The following CLDN10 variants were observed in gnomAD, a reference collection of about 807,000 sequenced individuals.
The protein encoded by CLDN10 is claudin 10.
Under a neutral mutation model 22.9 loss-of-function variants are expected in CLDN10, and 15 were observed. The observed-to-expected ratio is 0.65, with a 90% CI of 0.44 to 1.01. The LOEUF is 1.01. Ranked by LOEUF, CLDN10 falls within the 50% of genes least tolerant of loss-of-function variation. CLDN10 has a pLI of 0.00. For synonymous variants in CLDN10, 114 were observed against 111.4 expected (o/e 1.02, Z -0.15); for missense variants, 247 against 287.8 (o/e 0.86, Z 1.03).
chr13:95,499,274 G>A (rs1218751739), intron 1 of CLDN10, among the ~76,000 whole-genome samples: 1 of 152,184 alleles, frequency 6.6e-6, no homozygotes, highest in Non-Finnish European at 1.5e-5. Context: ...AGGCGCAGTG[G>A]CTTACATCTG....
At chr13:95,574,064 G>A (rs780387002) in intron 3 of CLDN10, among the ~76,000 whole-genome samples, 2 of 152,122 alleles carry the variant, frequency 1.3e-5, no homozygotes, top group Non-Finnish European at 2.9e-5. Context: ...ACTTTTTTAT[G>A]GCTGTATAGT....
chr13:95,478,324 G>A (rs1156921415), intron 1 of CLDN10, among the ~76,000 whole-genome samples: 5 of 151,622 alleles, frequency 3.3e-5, no homozygotes, highest in Non-Finnish European at 7.4e-5. Context: ...AAATAAGCAA[G>A]TAAATAAATA....
At chr13:95,440,496 G>A (rs1476839931) in intron 1 of CLDN10, among the ~76,000 whole-genome samples, 2 of 152,074 alleles carry the variant, frequency 1.3e-5, no homozygotes, top group Non-Finnish European at 2.9e-5. Context: ...GGCAACACAG[G>A]GAGACCTTGT....
intron 1 of CLDN10, among the ~76,000 whole-genome samples, chr13:95,452,982 T>C (rs2042446250): frequency 6.6e-6 from 1 of 152,220 alleles, no homozygotes; most frequent in African/African-American, 2.4e-5. Context: ...TACTTGTAAT[T>C]ACCTTTTATT....
intron 3 of CLDN10, among the ~76,000 whole-genome samples, chr13:95,566,422 T>G (rs2138669951): frequency 6.6e-6 from 1 of 152,376 alleles, no homozygotes; most frequent in South Asian, 2.1e-4. Context: ...ATAAATGTCT[T>G]CTTTTGAGAA....
At chr13:95,570,829 TACAC>T (rs537635169) in intron 3 of CLDN10, among the ~76,000 whole-genome samples, 20 of 129,436 alleles carry the variant, frequency 1.5e-4, no homozygotes, top group South Asian at 1.3e-3. Context: ...TATATATATA[TACAC>T]ACACACACAC....
intron 1 of CLDN10, among the ~76,000 whole-genome samples, chr13:95,493,096 G>A (rs1454404536): frequency 6.6e-6 from 1 of 152,096 alleles, no homozygotes; most frequent in African/African-American, 2.4e-5. Flanking sequence ...TTGCTGGTTT[G>A]TTCTTGCAGT....
At position 95,515,920 on chromosome 13, in the gene CLDN10, A is replaced by G. The variant is rs547517035; in HGVS notation, c.215-44212A>G. On this transcript the variant is annotated intron_variant, in intron 1 of 4. Coordinates refer to the CLDN10 transcript ENST00000376873. Reference sequence around the variant, plus strand: ...GAAACCCCATCTCTACTAAAAATACAAAAATGAGCTGGGCGTGATGGAGCA... The same window carrying G: ...GAAACCCCATCTCTACTAAAAATACGAAAATGAGCTGGGCGTGATGGAGCA... Among the ~76,000 whole-genome samples, 9 of 152,132 alleles carry G rather than the reference A, an allele frequency of 5.9e-5. 1 individual carries two copies. Among genetic ancestry groups the G allele is most frequent in the African/African-American group, 2.2e-4 (9 of 41,518 alleles).
Position 95,578,294 on chromosome 13 carries a change from G to T in CLDN10, c.*280G>T, listed in dbSNP as rs557381286. ...ACATGAAAAGCATTTAGTACCAAAGGTTCAAGAAGTATTCGTACTCTAGCC... is the reference window on the plus strand; with the variant it reads ...ACATGAAAAGCATTTAGTACCAAAGTTTCAAGAAGTATTCGTACTCTAGCC... On this transcript the variant is annotated 3_prime_UTR_variant, in exon 5 of 5. Transcript: ENST00000299339. 1 of 227,814 alleles carries T rather than the reference G, an allele frequency of 4.4e-6. No homozygotes were observed. The highest frequency in any genetic ancestry group is 5.5e-5 in the Admixed American group (1 of 18,330). The allele number at this position is 227,814 out of a possible 1,614,324, so 14.1% of individuals were successfully genotyped here.
intron 1 of CLDN10, among the ~76,000 whole-genome samples, chr13:95,471,453 A>ATATATATATT (rs776857009): frequency 1.3e-4 from 14 of 106,386 alleles, no homozygotes; most frequent in African/African-American, 3.6e-4. Context: ...ATATATATAT[A>ATATATATATT]TTTTTTTTTT....
chr13:95,492,547 G>C (rs1293778004), intron 1 of CLDN10, among the ~76,000 whole-genome samples: 1 of 152,142 alleles, frequency 6.6e-6, no homozygotes, highest in African/African-American at 2.4e-5. Flanking sequence ...CTGTTTCCTG[G>C]TGGAGGGTGA....
intron 1 of CLDN10, among the ~76,000 whole-genome samples, chr13:95,464,166 A>G (rs916697004): frequency 2.9e-4 from 44 of 151,952 alleles, no homozygotes; most frequent in African/African-American, 9.4e-4. Flanking sequence ...GGTTTGTTAC[A>G]TATGTATACA....
chr13:95,563,071 T>C (rs962871644), intron 3 of CLDN10, among the ~76,000 whole-genome samples: 1 of 143,824 alleles, frequency 7.0e-6, no homozygotes, highest in Non-Finnish European at 1.6e-5. Flanking sequence ...TTCTTGGAAT[T>C]TCTCTTTCTG....
intron 1 of CLDN10, among the ~76,000 whole-genome samples, chr13:95,467,407 T>C (rs977789524): frequency 6.6e-6 from 1 of 152,154 alleles, no homozygotes; most frequent in Non-Finnish European, 1.5e-5. Flanking sequence ...AGTCTCATAC[T>C]TTTTTTAAAA....
intron 1 of CLDN10, among the ~76,000 whole-genome samples, chr13:95,463,864 TC>T (rs1434507970): frequency 6.6e-6 from 1 of 152,074 alleles, no homozygotes; most frequent in Non-Finnish European, 1.5e-5. Flanking sequence ...GGCTATCATT[TC>T]TTTGTGCCAT....
chr13:95,489,080 A>G (rs1309274254), intron 1 of CLDN10, among the ~76,000 whole-genome samples: 2 of 106,090 alleles, frequency 1.9e-5, no homozygotes, highest in Non-Finnish European at 3.9e-5. Context: ...GCCTCCCGAG[A>G]AGCTGGGATT....
intron 1 of CLDN10, among the ~76,000 whole-genome samples, chr13:95,526,832 A>G (rs1372932880): frequency 6.6e-6 from 1 of 152,088 alleles, no homozygotes; most frequent in Non-Finnish European, 1.5e-5. Flanking sequence ...ACATGGCGAG[A>G]AGGAAAGGAG....
intron 1 of CLDN10, among the ~76,000 whole-genome samples, chr13:95,495,764 G>A (rs200205455): frequency 3.5e-3 from 352 of 99,912 alleles, no homozygotes; most frequent in East Asian, 0.023. Flanking sequence ...AAAAAGAAAA[G>A]AAAGAAAGAA....
intron 1 of CLDN10, among the ~76,000 whole-genome samples, chr13:95,470,171 T>A (rs576983468): frequency 2.6e-5 from 4 of 152,324 alleles, no homozygotes; most frequent in Non-Finnish European, 4.4e-5. Context: ...GATTAGTGAA[T>A]TCTTACCAGA....
Sources: allele counts gnomAD v4.1 joint callset (sites outside exome capture counted in the v4.1 genomes callset), GRCh38; gene constraint gnomAD v4.1.1; transcripts MANE v1.5; gene names NCBI Gene and HGNC (gene_info 2026-07-23, HGNC 2026-07-21).